The following EXOSC5 variants were observed in gnomAD, a reference collection of about 807,000 sequenced individuals.
EXOSC5 encodes the protein exosome complex component RRP46.
A neutral mutation model predicts 23.7 loss-of-function variants in EXOSC5; 15 were observed. The observed-to-expected ratio is 0.63, with a 90% confidence interval of 0.42 to 0.97. The LOEUF is 0.97. EXOSC5 is among the 50% of genes least tolerant of loss of function. The pLI is 0.00. For synonymous variants in EXOSC5, 143 were observed against 140.9 expected (o/e 1.02, Z -0.11); for missense variants, 305 against 316.3 (o/e 0.96, Z 0.27).
intron 3 of EXOSC5, 150 bp downstream of exon 3, chr19:41,391,691 A>G (rs1237783122): frequency 1.9e-6 from 2 of 1,040,850 alleles, no homozygotes; most frequent in Non-Finnish European, 2.7e-6. Context: ...CACATAAGTA[A>G]GCACCCAGGC....
At chr19:41,396,908 T>C (rs1441680101) in intron 1 of EXOSC5, among the ~76,000 whole-genome samples, 1 of 151,948 alleles carries the variant, frequency 6.6e-6, no homozygotes, top group African/African-American at 2.4e-5. Flanking sequence ...GGCGAGGTGA[T>C]TTTCCCTATT....
At position 41,397,275 on chromosome 19, in the gene EXOSC5, C is replaced by A; in HGVS notation, c.54G>T (p.Gly18=). ...TGCAGCCAGGACCCCGAGGGCTGGA[C>A]CCTGTTCCATTTTCAGCACGGATTT... is the stretch of plus-strand genomic sequence containing the variant. ...DAKIRAENGT[G]SSPRGPGCSL... Residue 18 remains glycine (G), a synonymous_variant, in exon 1 of 6, where the codon GGG becomes GGT. Coordinates refer to ENST00000221233, the MANE Select transcript of EXOSC5 (RefSeq NM_020158.4). 6.2e-7 allele frequency: 1 copy of A among 1,614,152 alleles called. No homozygotes were observed. The highest frequency in any genetic ancestry group is 8.5e-7 in the Non-Finnish European group (1 of 1,179,984).
chr19:41,397,191 G>A lies in EXOSC5; in HGVS notation c.138C>T (p.Ser46=). The A allele has an allele frequency of 6.2e-7, 1 of 1,613,998 alleles. No homozygotes were observed. Residue 46 remains serine (S), a synonymous_variant, in exon 1 of 6, where the codon TCC becomes TCT. Transcript: ENST00000221233. ...GGGTGAAGTTCTTACCTTGCAGGAAGGAAGCAGAGCCATCTGGCCGCGACA... is the reference window on the plus strand; with the variant it reads ...GGGTGAAGTTCTTACCTTGCAGGAAAGAAGCAGAGCCATCTGGCCGCGACA... ...NLLSRPDGSA[S]FLQGDTSVLA...
rs1373010601 is a variant in EXOSC5 at position 41,389,754 on chromosome 19, T to A, written c.525+11A>T. ...CCTCTGCCCTTCAGCCACCCTGGTC[T>A]TCACACCTACCTTTTCTTGCTTGGA... On this transcript the variant is annotated intron_variant, in intron 4 of 5. Transcript: ENST00000221233. 6.2e-7 allele frequency: 1 copy of A among 1,611,388 alleles called. No homozygotes were observed. Among genetic ancestry groups the A allele is most frequent in the Non-Finnish European group, 8.5e-7 (1 of 1,178,912 alleles).
At chr19:41,389,985 T>C in intron 3 of EXOSC5, 80 bp from the exon 4 acceptor site, 2 of 1,465,104 alleles carry the variant, frequency 1.4e-6, no homozygotes, top group Non-Finnish European at 1.8e-6. Context: ...CAGGCTGGAG[T>C]GCAATGGTGT....
At chr19:41,386,863 G>GT (rs1167523564) in intron 5 of EXOSC5, 138 bp from the exon 6 acceptor site, 10 of 649,278 alleles carry the variant, frequency 1.5e-5, no homozygotes, top group Non-Finnish European at 2.4e-5. Flanking sequence ...GAGGCAAGTG[G>GT]TAAGGGATTA....
intron 1 of EXOSC5, 104 bp from the exon 2 acceptor site, chr19:41,393,084 A>G (rs1046641034): frequency 6.5e-5 from 53 of 814,580 alleles, no homozygotes; most frequent in Non-Finnish European, 9.9e-5. Flanking sequence ...CACCCCCGCC[A>G]TTTGTTGGTA....
At chr19:41,395,770 A>T (rs1395834084) in intron 1 of EXOSC5, among the ~76,000 whole-genome samples, 4 of 150,688 alleles carry the variant, frequency 2.7e-5, no homozygotes, top group Non-Finnish European at 1.5e-5. Flanking sequence ...TGGTCCTGGG[A>T]CCTCTTCTCT....
chr19:41,393,078 C>G, intron 1 of EXOSC5, 98 bp from the exon 2 acceptor site: 2 of 883,858 alleles, frequency 2.3e-6, no homozygotes, highest in South Asian at 2.8e-5. Flanking sequence ...CCACGTCACC[C>G]CCGCCATTTG....
At position 41,386,943 on chromosome 19, in the gene EXOSC5, G is replaced by C. The variant is rs1043357441; in HGVS notation, c.616-218C>G. Among the ~76,000 whole-genome samples, 4 of 152,202 alleles carry C rather than the reference G, an allele frequency of 2.6e-5. No homozygotes were observed. The East Asian group carries it at 7.7e-4, about 29-fold the overall frequency. ...AAGAGGGAGAAGGACTTCAGGATCA[G>C]ATTCTGACAGCAACAGGACTCAGAC... On this transcript the variant is annotated intron_variant, in intron 5 of 5. Transcript: ENST00000221233.
chr19:41,392,303 C>T (rs1279482620), intron 2 of EXOSC5, among the ~76,000 whole-genome samples: 2 of 152,308 alleles, frequency 1.3e-5, no homozygotes, highest in Non-Finnish European at 2.9e-5. Context: ...GTTAATGGTC[C>T]AGGCACAGTG....
intron 2 of EXOSC5, 99 bp downstream of exon 2, chr19:41,392,768 A>T (rs1230733817): frequency 4.1e-6 from 4 of 965,860 alleles, no homozygotes; most frequent in Non-Finnish European, 6.5e-6. Flanking sequence ...GTGGAGACCC[A>T]AGCGGGGAGT....
chr19:41,388,922 C>T (rs1056068897), intron 4 of EXOSC5, among the ~76,000 whole-genome samples: 2 of 152,176 alleles, frequency 1.3e-5, no homozygotes, highest in Non-Finnish European at 2.9e-5. Context: ...GAAGCAAGGA[C>T]ATCCTGATGG....
chr19:41,389,930 G>C (rs768176981), intron 3 of EXOSC5, 25 bp from the exon 4 acceptor site: 1 of 1,552,946 alleles, frequency 6.4e-7, no homozygotes. Context: ...AAATGGTTAA[G>C]TTTCTTTTTT....
intron 1 of EXOSC5, among the ~76,000 whole-genome samples, chr19:41,393,217 C>T (rs115558020): frequency 0.012 from 1,849 of 152,326 alleles, 43 homozygotes; most frequent in African/African-American, 0.042. Context: ...TAGAACACTG[C>T]GGGGCTCACG....
At chr19:41,389,332 C>A (rs746354781) in intron 4 of EXOSC5, among the ~76,000 whole-genome samples, 2 of 152,070 alleles carry the variant, frequency 1.3e-5, no homozygotes, top group Admixed American at 6.6e-5. Context: ...ATGGCGCGAT[C>A]TCGGCTCACC....
At chr19:41,397,139 G>C (rs1335270371) in intron 1 of EXOSC5, 42 bp downstream of exon 1, 4 of 1,607,830 alleles carry the variant, frequency 2.5e-6, no homozygotes, top group Non-Finnish European at 3.4e-6. Context: ...CACAGTACAC[G>C]GTAGTCCCTC....
At position 41,397,338 on chromosome 19, in the gene EXOSC5, C is replaced by G. The variant is rs753848374; in HGVS notation, c.-10G>C. 22 of 1,606,972 alleles carry G rather than the reference C, an allele frequency of 1.4e-5. No homozygotes were observed. The South Asian group carries it at 2.3e-4, about 17-fold the overall frequency. ...GCGTCTCCTCCTCCATCGCGCCGAGCCCACGTGCGGCTGCAGTTGTCACTT... is the reference window on the plus strand; with the variant it reads ...GCGTCTCCTCCTCCATCGCGCCGAGGCCACGTGCGGCTGCAGTTGTCACTT... On this transcript the variant is annotated 5_prime_UTR_variant, in exon 1 of 6. Coordinates refer to ENST00000221233, the MANE Select transcript of EXOSC5 (RefSeq NM_020158.4).
chr19:41,392,021 T>C (rs750594366), intron 2 of EXOSC5, 59 bp from the exon 3 acceptor site: 123 of 1,542,786 alleles, frequency 8.0e-5, no homozygotes, highest in Non-Finnish European at 1.0e-4. Context: ...CCTTCCTCCA[T>C]ACGCCTCACC....
Sources: gnomAD v4.1 joint callset for allele counts (sites outside exome capture counted in the v4.1 genomes callset) on GRCh38, gnomAD v4.1.1 for gene constraint, MANE v1.5 for transcripts, NCBI Gene and HGNC (gene_info 2026-07-23, HGNC 2026-07-21) for gene names.